The following ZNF280D variants were observed in gnomAD, a reference collection of about 807,000 sequenced individuals.
ZNF280D encodes the protein suppressor of hairy wing homolog 4.
A neutral mutation model predicts 94.7 loss-of-function variants in ZNF280D; 39 were observed. The ratio of observed to expected loss-of-function variants is 0.41; its 90% confidence interval spans 0.32 to 0.54. The LOEUF is 0.54. Ranked by LOEUF, ZNF280D falls within the 20% of genes least tolerant of loss-of-function variation. The probability of loss-of-function intolerance (pLI) is 0.22; values close to 1 mark genes in which losing one functional copy is unlikely to be tolerated. For synonymous variants in ZNF280D, 398 were observed against 377.6 expected, an observed-to-expected ratio of 1.05 and a Z score of -0.63; for missense variants, 1,090 against 1,149.3, an observed-to-expected ratio of 0.95 and a Z score of 0.75.
chr15:56,731,786 A>G (rs1270068155), intron 1 of ZNF280D, among the ~76,000 whole-genome samples: 3 of 152,228 alleles, frequency 2.0e-5, no homozygotes, highest in African/African-American at 7.2e-5. Context: ...GCAAAAAGGT[A>G]GCGTTAAAAC....
intron 3 of ZNF280D, among the ~76,000 whole-genome samples, chr15:56,706,608 G>T (rs577646884): frequency 4.6e-5 from 7 of 152,146 alleles, no homozygotes; most frequent in African/African-American, 1.4e-4. Context: ...TGGACTTCTA[G>T]CCTCAAGAAT....
intron 14 of ZNF280D, 24 bp from the exon 15 acceptor site, chr15:56,667,010 G>C: frequency 2.7e-6 from 4 of 1,506,184 alleles, no homozygotes; most frequent in Non-Finnish European, 3.6e-6. Context: ...GAGAAGATTT[G>C]CTTTAAGAGA....
chr15:56,648,839 C>A (rs1449828664), intron 19 of ZNF280D, among the ~76,000 whole-genome samples: 1 of 152,094 alleles, frequency 6.6e-6, no homozygotes, highest in African/African-American at 2.4e-5. Context: ...GAGTATACAA[C>A]AAATTTAGTA....
rs927498240 is a variant in ZNF280D, at chr15:56,630,629, C to G, written c.*869G>C. On this transcript the variant is annotated 3_prime_UTR_variant, in exon 22 of 22. Coordinates refer to ENST00000267807, the MANE Select transcript of ZNF280D (RefSeq NM_017661.4). Reference sequence around the variant, plus strand: ...ACCATACTTTGGTTTGGCTTCCAGACCATTTTTATGGGCCTATTTCTAAGG... The same window carrying G: ...ACCATACTTTGGTTTGGCTTCCAGAGCATTTTTATGGGCCTATTTCTAAGG... 1 of 152,050 alleles carries G rather than the reference C, an allele frequency of 6.6e-6. No individual in the cohort carries two copies. The allele number at this position is 152,050 out of a possible 1,614,324, so 9.4% of individuals were successfully genotyped here.
Position 56,633,788 on chromosome 15 carries a change from C to T in ZNF280D, c.2315+1407G>A, listed in dbSNP as rs563138030. Among the ~76,000 whole-genome samples, 17 of 151,930 alleles carry T rather than the reference C, an allele frequency of 1.1e-4. No individual in the cohort carries two copies. The East Asian group carries it at 3.3e-3, about 29-fold the overall frequency. On this transcript the variant is annotated intron_variant, in intron 21 of 21. Transcript: ENST00000267807. Reference sequence around the variant, plus strand: ...ACAGGCATGAGCCACAGCGCCCAGCCAAAAACCTAGTATGTTATCCAGCAA... The same window carrying T: ...ACAGGCATGAGCCACAGCGCCCAGCTAAAAACCTAGTATGTTATCCAGCAA...
chr15:56,708,039 C>T (rs1444151792), intron 1 of ZNF280D, among the ~76,000 whole-genome samples: 2 of 151,926 alleles, frequency 1.3e-5, no homozygotes, highest in Non-Finnish European at 2.9e-5. Flanking sequence ...ACAAAATAAA[C>T]AAGCTTTTAT....
Position 56,682,485 on chromosome 15 carries a change from A to C in ZNF280D, c.781-8T>G. ...CATGTCTGGACAACAATACTGAAAG[A>C]GAAAAAAAAAAAAAAAAAACAAGCC... On this transcript the variant is annotated splice_polypyrimidine_tract_variant and splice_region_variant and intron_variant, in intron 9 of 21. Transcript: ENST00000267807. 1 of 1,058,470 alleles carries C rather than the reference A, an allele frequency of 9.4e-7. No individual in the cohort carries two copies. The highest frequency in any genetic ancestry group is 1.3e-6 in the Non-Finnish European group (1 of 761,826). 65.6% of individuals were successfully genotyped at this position (1,058,470 alleles called of 1,614,324 possible).
intron 1 of ZNF280D, among the ~76,000 whole-genome samples, chr15:56,720,024 G>A (rs2058267726): frequency 6.6e-6 from 1 of 152,044 alleles, no homozygotes; most frequent in Admixed American, 6.6e-5. Flanking sequence ...AGGTTGGGGT[G>A]GCTGTGGCAA....
intron 4 of ZNF280D, among the ~76,000 whole-genome samples, chr15:56,701,703 C>T (rs2057082951): frequency 6.6e-6 from 1 of 152,100 alleles, no homozygotes; most frequent in Non-Finnish European, 1.5e-5. Flanking sequence ...ACTGCATTCA[C>T]TCGTCTAAAA....
chr15:56,652,045 A>T (rs559604078), intron 19 of ZNF280D, among the ~76,000 whole-genome samples: 1 of 104,126 alleles, frequency 9.6e-6, no homozygotes, highest in African/African-American at 3.4e-5. Flanking sequence ...AAATAAGAAA[A>T]AAAAAAAAAC....
At position 56,672,759 on chromosome 15, in the gene ZNF280D, G is replaced by T. The variant is rs192820313; in HGVS notation, c.1411-3802C>A. ...TACCTAGCACAGTTACTGGCATACA[G>T]CAAGCACTTCATAAATGAAAGTTCT... On this transcript the variant is annotated intron_variant, in intron 13 of 21. Transcript: ENST00000267807. Among the ~76,000 whole-genome samples the T allele has an allele frequency of 6.6e-5, 10 of 152,108 alleles. No homozygotes were observed. In the East Asian group the frequency reaches 1.5e-3, roughly 23 times the overall value.
chr15:56,644,216 G>GA (rs1438150924), intron 19 of ZNF280D, among the ~76,000 whole-genome samples: 4 of 151,914 alleles, frequency 2.6e-5, no homozygotes, highest in East Asian at 1.9e-4. Context: ...AAAACTTGCA[G>GA]AAAAAATTGA....
At chr15:56,704,063 T>A (rs1318934444) in intron 4 of ZNF280D, 58 bp downstream of exon 4, 1 of 1,591,986 alleles carries the variant, frequency 6.3e-7, no homozygotes, top group Non-Finnish European at 8.6e-7. Flanking sequence ...AGTTCACAAG[T>A]TTTTCTACTA....
chr15:56,668,754 T>C (rs1200013973), intron 14 of ZNF280D, 69 bp downstream of exon 14: 9 of 1,378,676 alleles, frequency 6.5e-6, no homozygotes, highest in African/African-American at 6.0e-5. Flanking sequence ...ACATTCAATA[T>C]ATAAAGCCGG....
Position 56,730,796 on chromosome 15 carries a change from C to T in ZNF280D, c.-86+2662G>A, listed in dbSNP as rs567037419. On this transcript the variant is annotated intron_variant, in intron 1 of 21. Coordinates refer to ENST00000267807, the MANE Select transcript of ZNF280D (RefSeq NM_017661.4). ...CTTCTTCCTAACTTCCAAAGCCATA[C>T]CTAAACGACTGCTCCCAACTGTGTT... Among the ~76,000 whole-genome samples the T allele has an allele frequency of 7.2e-5, 11 of 152,334 alleles. No individual in the cohort carries two copies. The South Asian group carries it at 2.1e-3, about 29-fold the overall frequency.
At chr15:56,700,703 C>T (rs947623422) in intron 6 of ZNF280D, 2 of 1,435,922 alleles carry the variant, frequency 1.4e-6, no homozygotes, top group Non-Finnish European at 1.8e-6. Flanking sequence ...CATTACTGTA[C>T]CTATTTAGGC....
rs1288359950 is a variant in ZNF280D at position 56,631,561 on chromosome 15, T to C, written c.2877A>G (p.Gly959=). 1 of 1,614,088 alleles carries C rather than the reference T, an allele frequency of 6.2e-7. No individual in the cohort carries two copies. Among genetic ancestry groups the C allele is most frequent in the Non-Finnish European group, 8.5e-7 (1 of 1,179,998 alleles). The part of the protein sequence containing the change: ...VVSDQTDDIP[G]GNNPSTTEAT... ...CCTCTGTTGTGCTAGGGTTATTTCC[T>C]CCAGGAATGTCATCTGTTTGATCAG... is the stretch of plus-strand genomic sequence containing the variant. The change falls in exon 22 of 22, where the codon GGA becomes GGG. Residue 959 remains glycine (G), a synonymous_variant. Transcript: ENST00000267807.
chr15:56,644,528 A>G (rs138030530), intron 19 of ZNF280D, among the ~76,000 whole-genome samples: 2 of 152,290 alleles, frequency 1.3e-5, no homozygotes, highest in Admixed American at 6.5e-5. Context: ...TTTTAAATTC[A>G]GTTTGAAAAA....
intron 13 of ZNF280D, 129 bp downstream of exon 13, chr15:56,676,541 G>C: frequency 2.9e-6 from 2 of 690,894 alleles, no homozygotes; most frequent in Non-Finnish European, 4.3e-6. Context: ...TCAACTTGAA[G>C]TGTAAATTAA....
Sources: gnomAD v4.1 joint callset for allele counts (sites outside exome capture counted in the v4.1 genomes callset) on GRCh38, gnomAD v4.1.1 for gene constraint, MANE v1.5 for transcripts, NCBI Gene and HGNC (gene_info 2026-07-23, HGNC 2026-07-21) for gene names.